SCARA3: variants seen among roughly 807,000 people sequenced by gnomAD.
The protein encoded by SCARA3 is cellular stress response gene protein.
In SCARA3, 39 loss-of-function variants were observed where a neutral mutation model predicts 47.0. The observed-to-expected ratio is 0.83, with a 90% CI of 0.64 to 1.08. SCARA3 has a LOEUF of 1.08. SCARA3 is among the 50% of genes least tolerant of loss of function. SCARA3 has a pLI of 0.00. For missense variants in SCARA3, 724 were observed against 792.3 expected, an observed-to-expected ratio of 0.91 and a Z score of 1.04; for synonymous variants, 356 against 334.1, an observed-to-expected ratio of 1.07 and a Z score of -0.71.
chr8:27,674,971 T>C (rs79818168), downstream of SCARA3, among the ~76,000 whole-genome samples: 12,807 of 151,986 alleles, frequency 0.084, 608 homozygotes, highest in East Asian at 0.22. Context: ...TCATGATCCA[T>C]CCACCTCAGC....
intron 4 of SCARA3, 73 bp downstream of exon 4, chr8:27,656,953 G>C: frequency 1.1e-6 from 1 of 951,802 alleles, no homozygotes; most frequent in Non-Finnish European, 1.7e-6. Flanking sequence ...CCACGCTACA[G>C]TGCCCCAGCA....
chr8:27,692,574 G>A, the SCARA3 span, among the ~76,000 whole-genome samples: 1 of 152,082 alleles, frequency 6.6e-6, no homozygotes, highest in Non-Finnish European at 1.5e-5. Flanking sequence ...GTCTCTGGTG[G>A]GGAAAATCTA....
rs1460045537 is a variant in SCARA3, at chr8:27,651,634, C to A, written c.226+7C>A. The A allele has an allele frequency of 1.2e-6, 2 of 1,613,590 alleles. No homozygotes were observed. Among genetic ancestry groups the A allele is most frequent in the Non-Finnish European group, 1.7e-6 (2 of 1,179,868 alleles). ...GCTGTGTTGGCCTCTCTGGGTGAGTCCGGGGCTTTCCCACCCCGGGCTGCA... is the reference window on the plus strand; with the variant it reads ...GCTGTGTTGGCCTCTCTGGGTGAGTACGGGGCTTTCCCACCCCGGGCTGCA... On this transcript the variant is annotated splice_region_variant and intron_variant, in intron 3 of 5. Transcript: ENST00000301904.
At chr8:27,731,678 C>G in the SCARA3 span, among the ~76,000 whole-genome samples, 1 of 147,816 alleles carries the variant, frequency 6.8e-6, no homozygotes, top group African/African-American at 2.5e-5. Context: ...TGTTTGGTAA[C>G]CAGATTTAAG....
chr8:27,670,235 C>G (rs1330876175), intron 5 of SCARA3, among the ~76,000 whole-genome samples: 1 of 152,172 alleles, frequency 6.6e-6, no homozygotes, highest in African/African-American at 2.4e-5. Flanking sequence ...AGCCGTGGCT[C>G]CTGCCATCTT....
chr8:27,640,038 G>C (rs1263254092), intron 1 of SCARA3, among the ~76,000 whole-genome samples: 2 of 151,988 alleles, frequency 1.3e-5, no homozygotes, highest in Admixed American at 6.6e-5. Flanking sequence ...GGGAGGGGGA[G>C]GGACAGAAGA....
At chr8:27,682,704 A>G in the SCARA3 span, among the ~76,000 whole-genome samples, 5 of 152,214 alleles carry the variant, frequency 3.3e-5, no homozygotes, top group African/African-American at 1.2e-4. Context: ...AGTTAAAATT[A>G]AGAAAACCAT....
At chr8:27,705,656 C>G in the SCARA3 span, among the ~76,000 whole-genome samples, 1 of 152,220 alleles carries the variant, frequency 6.6e-6, no homozygotes, top group African/African-American at 2.4e-5. Context: ...TTAGTGTGTA[C>G]CATGTGCCAC....
rs376680064 is a variant in SCARA3, at chr8:27,659,410, C to T, written c.1240C>T (p.Arg414Trp). The T allele has an allele frequency of 1.3e-4, 207 of 1,613,780 alleles. 1 individual carries two copies. Among genetic ancestry groups the T allele is most frequent in the Middle Eastern group, 8.2e-4 (5 of 6,062 alleles). The stretch of plus-strand genomic sequence containing the variant: ...CATGCTGGGCACCACAGACCTGCTC[C>T]GGGAGCGCTTCAGCCTGCTCAGTGC... ...SIMLGTTDLL[R>W]ERFSLLSARL... is the part of the protein sequence containing the mutation. The change falls in exon 5 of 6, where the codon CGG becomes TGG. Residue 414 changes from arginine to tryptophan, a missense_variant. By Grantham distance (101) the Arg-to-Trp change is moderately radical. Transcript: ENST00000301904.
upstream of SCARA3, chr8:27,633,869 G>T: frequency 6.5e-6 from 1 of 154,160 alleles, no homozygotes; most frequent in South Asian, 1.8e-4. Context: ...AAGGAGGGAG[G>T]GAGGAAGGGT....
chr8:27,672,051 T>G lies in SCARA3; in HGVS notation c.*700T>G. ...AAGGAAACCTTTGCGGGTGGGGCGT[T>G]ACTGCCAAAACTCCAGAGGCAAAGT... On this transcript the variant is annotated 3_prime_UTR_variant, in exon 6 of 6. Coordinates refer to ENST00000301904, the MANE Select transcript of SCARA3 (RefSeq NM_016240.3). 1 of 985,286 alleles carries G rather than the reference T, an allele frequency of 1.0e-6. No homozygotes were observed. The highest frequency in any genetic ancestry group is 1.2e-6 in the Non-Finnish European group (1 of 829,912). The allele number at this position is 985,286 out of a possible 1,614,324, so 61.0% of individuals were successfully genotyped here.
chr8:27,731,268 T>C, the SCARA3 span, among the ~76,000 whole-genome samples: 1 of 151,402 alleles, frequency 6.6e-6, no homozygotes, highest in Non-Finnish European at 1.5e-5. Context: ...TTTTATATTA[T>C]TATTATTATT....
At chr8:27,727,235 G>A in the SCARA3 span, among the ~76,000 whole-genome samples, 12 of 152,128 alleles carry the variant, frequency 7.9e-5, no homozygotes, top group Non-Finnish European at 1.5e-4. Context: ...AGATCAACAC[G>A]TAGTATTGGT....
chr8:27,696,023 A>AT, the SCARA3 span, among the ~76,000 whole-genome samples: 111 of 147,422 alleles, frequency 7.5e-4, no homozygotes, highest in South Asian at 1.3e-3. Flanking sequence ...TTTTATTTTA[A>AT]TTTTTTTTTT....
At chr8:27,728,600 G>A in the SCARA3 span, among the ~76,000 whole-genome samples, 4 of 152,360 alleles carry the variant, frequency 2.6e-5, no homozygotes, top group East Asian at 7.7e-4. Context: ...GGGCATTCTG[G>A]AAGAGGCAGG....
At chr8:27,660,109 C>T (rs1801862318) in intron 5 of SCARA3, among the ~76,000 whole-genome samples, 1 of 151,986 alleles carries the variant, frequency 6.6e-6, no homozygotes, top group Admixed American at 6.6e-5. Flanking sequence ...ACCCTCTGCC[C>T]CTGGAGGCTG....
chr8:27,658,640 A>G lies in SCARA3; in HGVS notation c.470A>G (p.Gln157Arg). 6.2e-7 allele frequency: 1 copy of G among 1,614,148 alleles called. No homozygotes were observed. The highest frequency in any genetic ancestry group is 8.5e-7 in the Non-Finnish European group (1 of 1,180,014). Residue 157 changes from glutamine to arginine, a missense_variant, in exon 5 of 6, where the codon CAG becomes CGG. By Grantham distance (43) the Gln-to-Arg change is conservative. Transcript: ENST00000301904. ...CAGCTGGACCAGACCTTACAGGCCC[A>G]GGAGGTGCTCTCCACCACCAGCAGA... ...EVQLDQTLQAQEVLSTTSRQI... is the reference protein window; with the variant it reads ...EVQLDQTLQAREVLSTTSRQI...
chr8:27,649,913 C>T, intron 2 of SCARA3, 113 bp downstream of exon 2: 2 of 840,238 alleles, frequency 2.4e-6, no homozygotes, highest in Non-Finnish European at 1.8e-6. Context: ...GCCTGGGTGT[C>T]CTTTCCCCAC....
At chr8:27,693,003 G>A in the SCARA3 span, among the ~76,000 whole-genome samples, 16 of 151,886 alleles carry the variant, frequency 1.1e-4, no homozygotes, top group Admixed American at 8.5e-4. Flanking sequence ...CTGTGCACTT[G>A]TAGTCCCAGC....
Sources: allele counts gnomAD v4.1 joint callset (sites outside exome capture counted in the v4.1 genomes callset), GRCh38; gene constraint gnomAD v4.1.1; transcripts MANE v1.5; gene names NCBI Gene and HGNC (gene_info 2026-07-23, HGNC 2026-07-21).